The following GLIS1 variants were observed in gnomAD, a reference collection of about 807,000 sequenced individuals.
GLIS1 encodes the protein GLIS family zinc finger 1, also known as zinc finger protein GLIS1.
In GLIS1, 24 loss-of-function variants were observed where a neutral mutation model predicts 63.8. The observed-to-expected ratio is 0.38, with a 90% CI of 0.27 to 0.53. The LOEUF is 0.53. Among genes scored for constraint, GLIS1 ranks in the 20% least tolerant of loss-of-function variants. GLIS1 has a pLI of 0.85. For synonymous variants in GLIS1, 450 were observed against 482.5 expected, an observed-to-expected ratio of 0.93 and a Z score of 0.88; for missense variants, 1,036 against 1,074.1, an observed-to-expected ratio of 0.96 and a Z score of 0.50.
At chr1:53,632,772 ATG>A in intron 2 of GLIS1, among the ~76,000 whole-genome samples, 1 of 72,580 alleles carries the variant, frequency 1.4e-5, no homozygotes, top group East Asian at 4.4e-4. Flanking sequence ...TGACTGAGGG[ATG>A]TGTGAATGAG....
chr1:53,531,171 G>A (rs969941589), intron 4 of GLIS1, among the ~76,000 whole-genome samples: 3 of 152,190 alleles, frequency 2.0e-5, no homozygotes, highest in African/African-American at 2.4e-5. Context: ...GAGGAGGAAG[G>A]GACCAGAGGA....
At chr1:53,736,303 C>T (rs578195723) in intron 2 of GLIS1, among the ~76,000 whole-genome samples, 1 of 152,294 alleles carries the variant, frequency 6.6e-6, no homozygotes, top group South Asian at 2.1e-4. Context: ...GTAGGAAGAT[C>T]GTACACAAAG....
intron 2 of GLIS1, among the ~76,000 whole-genome samples, chr1:53,710,212 G>A (rs1171118786): frequency 4.6e-5 from 7 of 152,174 alleles, no homozygotes; most frequent in Admixed American, 2.6e-4. Context: ...GGGGCTTTCC[G>A]AATCATTCCC....
chr1:53,522,222 G>A (rs1487371381), intron 6 of GLIS1, among the ~76,000 whole-genome samples: 3 of 152,274 alleles, frequency 2.0e-5, no homozygotes, highest in African/African-American at 7.2e-5. Flanking sequence ...TCTGAAACGC[G>A]GCAGGGCTGC....
Position 53,600,185 on chromosome 1 carries a change from C to T in GLIS1, c.353G>A (p.Gly118Asp), listed in dbSNP as rs994908677. 21 of 1,231,874 alleles carry T rather than the reference C, an allele frequency of 1.7e-5. No individual in the cohort carries two copies. The East Asian group carries it at 6.3e-4, about 37-fold the overall frequency. The allele number at this position is 1,231,874 out of a possible 1,614,324, so 76.3% of individuals were successfully genotyped here. ...TGGGCTTCCTGCAGGGAGAAACAGG[C>T]CCTGGCAGCAGGTGGGGCCAGGGCC... The part of the protein sequence containing the change: ...AEGPGPTCCQ[G>D]LFLPAGSPPP... The change falls in exon 3 of 11, where the codon GGC (glycine) becomes GAC (aspartate). Residue 118 changes from glycine to aspartate, a missense_variant. By Grantham distance (94) the Gly-to-Asp change is moderately conservative. Transcript: ENST00000628545.
chr1:53,512,249 C>A (rs1367225133), intron 8 of GLIS1, among the ~76,000 whole-genome samples: 2 of 152,204 alleles, frequency 1.3e-5, no homozygotes, highest in African/African-American at 4.8e-5. Context: ...AGCTCCTCCT[C>A]TGAGTCATGC....
chr1:53,605,623 A>T (rs1030490021), intron 2 of GLIS1, among the ~76,000 whole-genome samples: 1 of 152,098 alleles, frequency 6.6e-6, no homozygotes, highest in Non-Finnish European at 1.5e-5. Flanking sequence ...TACCTCCCCT[A>T]CGAGCCTGAG....
At chr1:53,686,884 G>A (rs1646342534) in intron 2 of GLIS1, among the ~76,000 whole-genome samples, 1 of 152,182 alleles carries the variant, frequency 6.6e-6, no homozygotes, top group Admixed American at 6.5e-5. Flanking sequence ...ACCATGCTAG[G>A]GAGATGGGAC....
intron 2 of GLIS1, among the ~76,000 whole-genome samples, chr1:53,673,399 G>A (rs1646176105): frequency 6.6e-6 from 1 of 152,218 alleles, no homozygotes; most frequent in South Asian, 2.1e-4. Flanking sequence ...TGAACCAAAA[G>A]GGCTTTACAG....
At chr1:53,719,181 C>G (rs1184881135) in intron 2 of GLIS1, among the ~76,000 whole-genome samples, 1 of 152,230 alleles carries the variant, frequency 6.6e-6, no homozygotes, top group Non-Finnish European at 1.5e-5. Flanking sequence ...TCTCCTCATT[C>G]TGCCACGAAG....
chr1:53,616,780 C>A (rs1187788492), intron 2 of GLIS1, among the ~76,000 whole-genome samples: 1 of 152,136 alleles, frequency 6.6e-6, no homozygotes, highest in South Asian at 2.1e-4. Context: ...AGATCCAGCC[C>A]GGAGCAGACA....
rs1208720813 is a variant in GLIS1 at position 53,738,084 on chromosome 1, C to A, written c.-20G>T. The A allele has an allele frequency of 8.1e-7, 1 of 1,229,436 alleles. No homozygotes were observed. The highest frequency in any genetic ancestry group is 1.0e-6 in the Non-Finnish European group (1 of 986,456). 76.2% of individuals were successfully genotyped at this position (1,229,436 alleles called of 1,614,324 possible). ...ATGCATGGCGCCGGGGCGGGGCGCA[C>A]GGCTGGGGGTCGCGCCGGGCTCCTG... On this transcript the variant is annotated 5_prime_UTR_variant, in exon 2 of 11. Coordinates refer to ENST00000628545, the MANE Select transcript of GLIS1 (RefSeq NM_001367484.1).
chr1:53,572,276 G>A (rs555461231), intron 4 of GLIS1, among the ~76,000 whole-genome samples: 1 of 152,204 alleles, frequency 6.6e-6, no homozygotes, highest in African/African-American at 2.4e-5. Context: ...TTCTCCATCT[G>A]TAAAATGAGA....
rs1223880837 is a variant in GLIS1 at position 53,506,660 on chromosome 1, G to A, written c.2347C>T (p.His783Tyr). ...ATGGAGGGGATGTGGCCCAGGCAGT[G>A]GTCAAAGGCTCCATTGGGGAAGAAG... ...CGFFPNGAFD[H>Y]CLGHIPSIYT... The change falls in exon 11 of 11, where the codon CAC (histidine) becomes TAC (tyrosine). Residue 783 changes from histidine to tyrosine, a missense_variant. Around this residue, in one of 3 missense-constraint regions of GLIS1, gnomAD observed 400 missense variants for 400.9 expected, o/e 1.00. Transcript: ENST00000628545. 2.5e-6 allele frequency: 4 copies of A among 1,592,846 alleles called. No homozygotes were observed. In the African/African-American group the frequency reaches 4.2e-5, roughly 17 times the overall value.
At position 53,737,696 on chromosome 1, in the gene GLIS1, G is replaced by A. The variant is rs1400656190; in HGVS notation, c.259+110C>T. On this transcript the variant is annotated intron_variant, in intron 2 of 10. Coordinates refer to ENST00000628545, the MANE Select transcript of GLIS1 (RefSeq NM_001367484.1). ...AGTCCCAAACAATAAGAGAGAAACT[G>A]AGGAACTCCGAAGAAAGTTCCACCA... The A allele has an allele frequency of 1.2e-5, 13 of 1,061,932 alleles. No homozygotes were observed. The East Asian group carries it at 4.2e-4, about 35-fold the overall frequency. 65.8% of individuals were successfully genotyped at this position (1,061,932 alleles called of 1,614,324 possible).
At position 53,555,270 on chromosome 1, in the gene GLIS1, C is replaced by T. The variant is rs79685764; in HGVS notation, c.1321-25318G>A. 4.2e-3 allele frequency among the ~76,000 whole-genome samples: 637 copies of T among 152,318 alleles called. 6 individuals carry two copies. The highest frequency in any genetic ancestry group is 0.014 in the African/African-American group (600 of 41,566). ...TGCTTTTAAGAGACCACTATAAGAG[C>T]ATAATTGCCTAGCACTTTGGGAGGC... On this transcript the variant is annotated intron_variant, in intron 4 of 10. Coordinates refer to ENST00000628545, the MANE Select transcript of GLIS1 (RefSeq NM_001367484.1).
chr1:53,535,692 A>T (rs746182618), intron 4 of GLIS1, among the ~76,000 whole-genome samples: 1 of 151,684 alleles, frequency 6.6e-6, no homozygotes, highest in Non-Finnish European at 1.5e-5. Context: ...GCCCTAATCC[A>T]CACCCCAGCA....
intron 2 of GLIS1, among the ~76,000 whole-genome samples, chr1:53,631,289 T>C (rs1460934720): frequency 3.9e-5 from 6 of 152,334 alleles, no homozygotes; most frequent in African/African-American, 1.4e-4. Flanking sequence ...CCTGAATCCA[T>C]CTGGAATATA....
intron 2 of GLIS1, among the ~76,000 whole-genome samples, chr1:53,621,133 T>C (rs764728360): frequency 4.2e-4 from 64 of 152,214 alleles, no homozygotes; most frequent in Non-Finnish European, 8.2e-4. Flanking sequence ...CCCTTATCTG[T>C]CAAATGCAGA....
Sources: gnomAD v4.1 joint callset for allele counts (sites outside exome capture counted in the v4.1 genomes callset) on GRCh38, gnomAD v4.1.1 for gene constraint, gnomAD v4.1.1 regional missense constraint, MANE v1.5 for transcripts, NCBI Gene and HGNC (gene_info 2026-07-23, HGNC 2026-07-21) for gene names.